The following UBAP2L variants were observed in gnomAD, a reference collection of about 807,000 sequenced individuals.
UBAP2L encodes the protein ubiquitin-associated protein 2-like.
A neutral mutation model predicts 130.6 loss-of-function variants in UBAP2L; 12 were observed. The ratio of observed to expected loss-of-function variants is 0.09; its 90% confidence interval spans 0.06 to 0.15. UBAP2L has a LOEUF of 0.15. UBAP2L is among the 10% of genes least tolerant of loss of function. The pLI, the probability that UBAP2L is intolerant of heterozygous loss-of-function variation, is 1.00. For synonymous variants in UBAP2L, 503 were observed against 524.7 expected, an observed-to-expected ratio of 0.96 and a Z score of 0.57; for missense variants, 965 against 1,332.5, an observed-to-expected ratio of 0.72 and a Z score of 4.29.
Position 154,249,443 on chromosome 1 carries a change from A to G in UBAP2L, c.1213+6A>G. ...CCCATCACTGGTGCAGTATGGTGAG[A>G]AGATGGAAAGTGACTTGAATCTTTA... On this transcript the variant is annotated splice_donor_region_variant and intron_variant, in intron 12 of 26. Transcript: ENST00000428931. The G allele has an allele frequency of 6.2e-7, 1 of 1,614,024 alleles. No homozygotes were observed. Among genetic ancestry groups the G allele is most frequent in the Non-Finnish European group, 8.5e-7 (1 of 1,180,010 alleles).
intron 11 of UBAP2L, among the ~76,000 whole-genome samples, chr1:154,246,581 TATA>T (rs1675563575): frequency 6.6e-6 from 1 of 152,192 alleles, no homozygotes; most frequent in Non-Finnish European, 1.5e-5. Flanking sequence ...TGAATATTCT[TATA>T]AGAATAAGTT....
intron 11 of UBAP2L, among the ~76,000 whole-genome samples, chr1:154,248,250 A>C (rs918224525): frequency 6.6e-6 from 1 of 152,238 alleles, no homozygotes; most frequent in East Asian, 1.9e-4. Context: ...TACAGGCGTG[A>C]GCCACCGCAT....
At chr1:154,247,894 A>G (rs1218201338) in intron 11 of UBAP2L, among the ~76,000 whole-genome samples, 1 of 152,106 alleles carries the variant, frequency 6.6e-6, no homozygotes, top group East Asian at 1.9e-4. Context: ...GCTAAATAAC[A>G]TGGGAGTTTC....
chr1:154,220,658 G>A (rs115067619), upstream of UBAP2L: 368 of 561,472 alleles, frequency 6.6e-4, 1 homozygote, highest in African/African-American at 6.6e-3. Flanking sequence ...AGCGTCGAGC[G>A]CTCAGACGCG....
intron 11 of UBAP2L, among the ~76,000 whole-genome samples, chr1:154,247,328 G>C (rs1172450925): frequency 6.6e-6 from 1 of 152,148 alleles, no homozygotes. Flanking sequence ...ACATAGGAAA[G>C]GTAACAGGTG....
intron 17 of UBAP2L, 123 bp downstream of exon 17, chr1:154,255,449 C>T (rs920765341): frequency 7.5e-7 from 1 of 1,329,446 alleles, no homozygotes; most frequent in East Asian, 2.3e-5. Flanking sequence ...AAGTGGGTGA[C>T]CTAAGAACTG....
intron 6 of UBAP2L, 62 bp downstream of exon 6, chr1:154,235,353 G>C: frequency 1.5e-6 from 1 of 684,600 alleles, no homozygotes; most frequent in Non-Finnish European, 2.6e-6. Context: ...TTAATGGTCT[G>C]CTTTATTTTT....
rs1553287908 is a variant in UBAP2L at position 154,270,771 on chromosome 1, T to TTG, written c.*477_*478insGT. 1.6e-5 allele frequency: 11 copies of TTG among 707,706 alleles called. No homozygotes were observed. The highest frequency in any genetic ancestry group is 1.9e-5 in the Non-Finnish European group (11 of 584,458). 43.8% of individuals were successfully genotyped at this position (707,706 alleles called of 1,614,324 possible). On this transcript the variant is annotated 3_prime_UTR_variant, in exon 27 of 27. Coordinates refer to ENST00000428931, the MANE Select transcript of UBAP2L (RefSeq NM_014847.4). ...ATTAGTTGAAGTGGTTTTTTTTTTG[T>TTG]TTTTTTTTTTTTTTTGTACTGTGTC...
intron 4 of UBAP2L, among the ~76,000 whole-genome samples, chr1:154,229,710 C>T (rs1205562977): frequency 3.3e-5 from 5 of 152,084 alleles, no homozygotes; most frequent in Admixed American, 1.3e-4. Flanking sequence ...GCTAGCTGCC[C>T]GCCTCGTCCT....
chr1:154,269,020 C>T, intron 26 of UBAP2L, 66 bp downstream of exon 26: 1 of 1,564,860 alleles, frequency 6.4e-7, no homozygotes, highest in South Asian at 1.2e-5. Context: ...ACTGCCTTCC[C>T]TTTCCTTTTC....
intron 18 of UBAP2L, 111 bp from the exon 19 acceptor site, chr1:154,256,952 T>G (rs1389064974): frequency 8.5e-6 from 11 of 1,298,084 alleles, no homozygotes; most frequent in Non-Finnish European, 1.2e-5. Context: ...GCCTCTTTAA[T>G]TAGGAAGTTG....
rs1375387246 is a variant in UBAP2L, at chr1:154,255,320, A to G, written c.2078A>G (p.His693Arg). ...ATTCCAAATACTACCACCACACAAC[A>G]CAGCAGGTGATTTGGGGTGAGGATG... The part of the protein sequence containing the change: ...EEIPNTTTTQ[H>R]SSTLSTQQNT... Residue 693 changes from histidine to arginine, a missense_variant, in exon 17 of 27, where the codon CAC becomes CGC. Physicochemically the swap from His to Arg is conservative, Grantham distance 29. This residue lies in a region of UBAP2L where 393 missense variants were observed against 408.1 expected (regional missense o/e 0.96). Transcript: ENST00000428931. 6.2e-7 allele frequency: 1 copy of G among 1,613,644 alleles called. No homozygotes were observed. Among genetic ancestry groups the G allele is most frequent in the Admixed American group, 1.7e-5 (1 of 60,004 alleles).
At chr1:154,269,377 A>G (rs751832440) in intron 26 of UBAP2L, 2 of 1,317,760 alleles carry the variant, frequency 1.5e-6, no homozygotes, top group South Asian at 1.2e-5. Context: ...ATATTTGCAG[A>G]TGATTCTCTG....
intron 24 of UBAP2L, among the ~76,000 whole-genome samples, chr1:154,262,005 G>A (rs2149034509): frequency 6.6e-6 from 1 of 152,346 alleles, no homozygotes; most frequent in East Asian, 1.9e-4. Context: ...TTGCTGAAAT[G>A]TCAGTGGAGG....
At chr1:154,227,801 G>A (rs1006786977) in intron 3 of UBAP2L, among the ~76,000 whole-genome samples, 11 of 152,130 alleles carry the variant, frequency 7.2e-5, no homozygotes, top group Non-Finnish European at 1.5e-4. Context: ...GCCTGCCTCA[G>A]CCTCCCAAAG....
chr1:154,242,120 C>T lies in UBAP2L; in HGVS notation c.756+555C>T, dbSNP rs143891269. On this transcript the variant is annotated intron_variant, in intron 9 of 26. Coordinates refer to ENST00000428931, the MANE Select transcript of UBAP2L (RefSeq NM_014847.4). ...CTGCCAGCTTGACTTAACTTGGAAA[C>T]CTCATAGATGGGTGGCACGTAAACA... Among the ~76,000 whole-genome samples the T allele has an allele frequency of 8.0e-3, 1,212 of 152,276 alleles. 58 individuals are homozygous for T. The highest frequency in any genetic ancestry group is 0.07 in the Admixed American group (1,071 of 15,280).
chr1:154,236,716 ATG>A, intron 7 of UBAP2L, 105 bp downstream of exon 7: 1 of 1,235,462 alleles, frequency 8.1e-7, no homozygotes, highest in African/African-American at 1.5e-5. Context: ...TCAGAAAGAT[ATG>A]GGGACTTAGG....
intron 26 of UBAP2L, chr1:154,269,632 G>T: frequency 2.9e-6 from 1 of 345,784 alleles, no homozygotes. Flanking sequence ...AAAACATTCG[G>T]TTACCAGAAT....
At chr1:154,235,084 C>A in intron 5 of UBAP2L, 112 bp from the exon 6 acceptor site, 1 of 675,936 alleles carries the variant, frequency 1.5e-6, no homozygotes, top group Non-Finnish European at 2.7e-6. Context: ...ATTCCCAATA[C>A]CATATTACAT....
Sources: gnomAD v4.1 joint callset for allele counts (sites outside exome capture counted in the v4.1 genomes callset) on GRCh38, gnomAD v4.1.1 for gene constraint, gnomAD v4.1.1 regional missense constraint, MANE v1.5 for transcripts, NCBI Gene and HGNC (gene_info 2026-07-23, HGNC 2026-07-21) for gene names.